TBC1D16: variants seen among roughly 807,000 people sequenced by gnomAD.
TBC1D16 encodes TBC1 domain family member 16, also known as CTD-2529O21.1.
A neutral mutation model predicts 74.7 loss-of-function variants in TBC1D16; 58 were observed. That is an observed-to-expected ratio of 0.78 (90% CI 0.63 to 0.97). The LOEUF (loss-of-function observed/expected upper bound fraction) is 0.97, where lower values mean the gene tolerates loss of function less well. Ranked by LOEUF, TBC1D16 falls within the 50% of genes least tolerant of loss-of-function variation. TBC1D16 has a pLI of 0.00. For synonymous variants in TBC1D16, 493 were observed against 474.7 expected (o/e 1.04, Z -0.50); for missense variants, 1,014 against 1,079.5 (o/e 0.94, Z 0.85).
rs753425494 is a variant in TBC1D16, at chr17:79,960,720, A to G, written c.780-7902T>C. 1.9e-4 allele frequency among the ~76,000 whole-genome samples: 28 copies of G among 144,412 alleles called. 1 individual carries two copies. Among genetic ancestry groups the G allele is most frequent in the African/African-American group, 5.2e-5 (2 of 38,542 alleles). 94.7% of individuals were successfully genotyped at this position (144,412 alleles called of 152,430 possible). The stretch of plus-strand genomic sequence containing the variant: ...CAGTGAGCCAACATCATGCCACTGC[A>G]CTTCAGCCCGAGCGACAGAGTGAGA... On this transcript the variant is annotated intron_variant, in intron 3 of 11. Coordinates refer to ENST00000310924, the MANE Select transcript of TBC1D16 (RefSeq NM_019020.4).
At chr17:79,992,729 C>T (rs2035119234) in intron 3 of TBC1D16, 1 of 152,370 alleles carries the variant, frequency 6.6e-6, no homozygotes, top group African/African-American at 2.4e-5. Flanking sequence ...CTGCCACTAG[C>T]CCTCTCCCTC....
chr17:80,035,794 C>G lies in TBC1D16; in HGVS notation c.-63+1G>C, dbSNP rs2036985331. ...GGCCCCGTCCGGGCCCCGATACCCA[C>G]CCGGGTCCCGCTGCGGGGGCCGGAT... On this transcript the variant is annotated splice_donor_variant, in intron 1 of 11. Transcript: ENST00000310924. LOFTEE classifies it low-confidence loss of function (5UTR_SPLICE). This position sits in a 1 kb window ranked among gnomAD's most constrained non-coding sequence, Gnocchi z 5.3. 1 of 146,712 alleles carries G rather than the reference C, an allele frequency of 6.8e-6. No homozygotes were observed. Among genetic ancestry groups the G allele is most frequent in the Non-Finnish European group, 1.5e-5 (1 of 65,904 alleles). The allele number at this position is 146,712 out of a possible 1,614,324, so 9.1% of individuals were successfully genotyped here. A position where few individuals can be genotyped will look rare whatever the true frequency, so the allele number is the denominator to read the frequency against.
chr17:79,978,013 A>G (rs1043642049), intron 3 of TBC1D16, among the ~76,000 whole-genome samples: 1 of 152,208 alleles, frequency 6.6e-6, no homozygotes, highest in Non-Finnish European at 1.5e-5. Context: ...TCAAGCTGCC[A>G]TTTCTGACAT....
Position 79,954,751 on chromosome 17 carries a change from T to G in TBC1D16, c.780-1933A>C, listed in dbSNP as rs1379685608. On this transcript the variant is annotated intron_variant, in intron 3 of 11. Coordinates refer to ENST00000310924, the MANE Select transcript of TBC1D16 (RefSeq NM_019020.4). This position sits in a 1 kb window ranked among gnomAD's most constrained non-coding sequence, Gnocchi z 5.5. Reference sequence around the variant, plus strand: ...CTGTGAGAGCTGCTGCCCCGTGTGCTGCCTGCTGGCCCGGCCCACCCAGTG... The same window carrying G: ...CTGTGAGAGCTGCTGCCCCGTGTGCGGCCTGCTGGCCCGGCCCACCCAGTG... Among the ~76,000 whole-genome samples, 1 of 152,132 alleles carries G rather than the reference T, an allele frequency of 6.6e-6. No individual in the cohort carries two copies. The highest frequency in any genetic ancestry group is 1.5e-5 in the Non-Finnish European group (1 of 68,002).
chr17:80,008,598 G>C lies in TBC1D16; in HGVS notation c.779+1562C>G, dbSNP rs1207595936. Among the ~76,000 whole-genome samples, 2 of 152,204 alleles carry C rather than the reference G, an allele frequency of 1.3e-5. No homozygotes were observed. The highest frequency in any genetic ancestry group is 4.8e-5 in the African/African-American group (2 of 41,538). ...CACCACCAGGGGGAGCTCCGACTGA[G>C]TCCGGCCTGCGGGACCCAGGCCAGG... is the stretch of plus-strand genomic sequence containing the variant. On this transcript the variant is annotated intron_variant, in intron 3 of 11. Coordinates refer to ENST00000310924, the MANE Select transcript of TBC1D16 (RefSeq NM_019020.4). This position sits in a 1 kb window ranked among gnomAD's most constrained non-coding sequence, Gnocchi z 4.5.
chr17:80,028,621 CA>C (rs1166306899), intron 1 of TBC1D16, among the ~76,000 whole-genome samples: 1 of 141,038 alleles, frequency 7.1e-6, no homozygotes, highest in Non-Finnish European at 1.5e-5. Context: ...GCATGATGAC[CA>C]GTTGATTTTT....
Position 79,941,777 on chromosome 17 carries a change from T to C in TBC1D16, c.2055+283A>G, listed in dbSNP as rs568804440. 1.1e-4 allele frequency among the ~76,000 whole-genome samples: 17 copies of C among 152,302 alleles called. No individual in the cohort carries two copies. In the South Asian group the frequency reaches 3.3e-3, roughly 30 times the overall value. On this transcript the variant is annotated intron_variant, in intron 11 of 11. Transcript: ENST00000310924. This position sits in a 1 kb window ranked among gnomAD's most constrained non-coding sequence, Gnocchi z 4.3. Reference sequence around the variant, plus strand: ...TGTCCTGTCCGTCAGCCCCGGTGAATTCGTTCCCTCCTCAGCCAGCGAGGG... The same window carrying C: ...TGTCCTGTCCGTCAGCCCCGGTGAACTCGTTCCCTCCTCAGCCAGCGAGGG...
intron 3 of TBC1D16, among the ~76,000 whole-genome samples, chr17:79,998,067 G>C (rs1190168678): frequency 1.4e-5 from 2 of 145,668 alleles, no homozygotes; most frequent in Non-Finnish European, 3.0e-5. Flanking sequence ...GGAGGTTGCA[G>C]TGAGCTAAGA....
chr17:79,996,643 G>C (rs185161713), intron 3 of TBC1D16, among the ~76,000 whole-genome samples: 11 of 152,282 alleles, frequency 7.2e-5, no homozygotes, highest in Admixed American at 5.2e-4. Flanking sequence ...CACTTTGGGA[G>C]GCCGAGGCGG....
chr17:80,012,777 T>C (rs1267506537), intron 2 of TBC1D16, among the ~76,000 whole-genome samples: 2 of 152,138 alleles, frequency 1.3e-5, no homozygotes, highest in African/African-American at 2.4e-5. Context: ...GCCAAGCAAA[T>C]GTTAGGGTGT....
chr17:79,941,203 A>C lies in TBC1D16; in HGVS notation c.2056-96T>G. On this transcript the variant is annotated intron_variant, in intron 11 of 11. Coordinates refer to ENST00000310924, the MANE Select transcript of TBC1D16 (RefSeq NM_019020.4). This position sits in a 1 kb window ranked among gnomAD's most constrained non-coding sequence, Gnocchi z 4.3. ...GGCCAAAGACAGCAACAGCAGCAAC[A>C]ACGGCCTGCACCTCGGGGGCTCACC... The C allele has an allele frequency of 1.6e-6, 2 of 1,250,350 alleles. No individual in the cohort carries two copies. The highest frequency in any genetic ancestry group is 2.2e-6 in the Non-Finnish European group (2 of 909,814). The allele number at this position is 1,250,350 out of a possible 1,614,324, so 77.5% of individuals were successfully genotyped here.
At chr17:79,943,311 G>T (rs765292433) in intron 10 of TBC1D16, among the ~76,000 whole-genome samples, 5 of 152,208 alleles carry the variant, frequency 3.3e-5, no homozygotes, top group Non-Finnish European at 5.9e-5. Context: ...GCAGGAAGGT[G>T]GACGCCCAGC....
intron 3 of TBC1D16, among the ~76,000 whole-genome samples, chr17:79,995,254 C>T (rs532325565): frequency 3.3e-5 from 5 of 151,460 alleles, no homozygotes; most frequent in East Asian, 3.9e-4. Flanking sequence ...GAGCTGAGAT[C>T]GCACCACGGC....
chr17:79,996,959 G>C (rs576337833), intron 3 of TBC1D16, among the ~76,000 whole-genome samples: 1 of 152,160 alleles, frequency 6.6e-6, no homozygotes, highest in Admixed American at 6.5e-5. Flanking sequence ...GCAGTAGAAA[G>C]GAACAAGTTC....
chr17:79,973,642 G>A (rs910847351), intron 3 of TBC1D16, among the ~76,000 whole-genome samples: 10 of 151,806 alleles, frequency 6.6e-5, no homozygotes, highest in East Asian at 3.9e-4. Context: ...CCCCAGAGGC[G>A]GAGCTTGCAG....
In TBC1D16 at chr17:79,993,130, G is replaced by T. The variant is rs2035138870; in HGVS notation, c.779+17030C>A. On this transcript the variant is annotated intron_variant, in intron 3 of 11. Coordinates refer to ENST00000310924, the MANE Select transcript of TBC1D16 (RefSeq NM_019020.4). This position sits in a 1 kb window ranked among gnomAD's most constrained non-coding sequence, Gnocchi z 5.1. ...AGCCCCATTGTGCAGAGGGGAAACT[G>T]AGGCAATGAGGGTAATAACCCACCA... Among the ~76,000 whole-genome samples the T allele has an allele frequency of 6.6e-6, 1 of 152,216 alleles. No homozygotes were observed. The highest frequency in any genetic ancestry group is 2.4e-5 in the African/African-American group (1 of 41,456).
rs1008842301 is a variant in TBC1D16, at chr17:79,941,207, G to C, written c.2056-100C>G. On this transcript the variant is annotated intron_variant, in intron 11 of 11. Transcript: ENST00000310924. This position sits in a 1 kb window ranked among gnomAD's most constrained non-coding sequence, Gnocchi z 4.3. Reference sequence around the variant, plus strand: ...AAAGACAGCAACAGCAGCAACAACGGCCTGCACCTCGGGGGCTCACCGAGT... The same window carrying C: ...AAAGACAGCAACAGCAGCAACAACGCCCTGCACCTCGGGGGCTCACCGAGT... 1.6e-6 allele frequency: 2 copies of C among 1,216,152 alleles called. No individual in the cohort carries two copies. Among genetic ancestry groups the C allele is most frequent in the Non-Finnish European group, 2.3e-6 (2 of 880,692 alleles). 75.3% of individuals were successfully genotyped at this position (1,216,152 alleles called of 1,614,324 possible).
Position 79,940,528 on chromosome 17 carries a change from C to T in TBC1D16, c.*331G>A, listed in dbSNP as rs958279660. On this transcript the variant is annotated 3_prime_UTR_variant, in exon 12 of 12. Coordinates refer to ENST00000310924, the MANE Select transcript of TBC1D16 (RefSeq NM_019020.4). The surrounding 1 kb of genome is among the most constrained non-coding windows in gnomAD (Gnocchi z 5.4). Reference sequence around the variant, plus strand: ...CCTGGCGACGCTGTCTGGCTGCCCTCGAGGGTGGAGCAAATCCTGGGACAT... The same window carrying T: ...CCTGGCGACGCTGTCTGGCTGCCCTTGAGGGTGGAGCAAATCCTGGGACAT... 1.9e-4 allele frequency: 43 copies of T among 223,006 alleles called. No individual in the cohort carries two copies. The highest frequency in any genetic ancestry group is 9.2e-5 in the East Asian group (1 of 10,838). 13.8% of individuals were successfully genotyped at this position (223,006 alleles called of 1,614,324 possible).
rs532222770 is a variant in TBC1D16 at position 79,996,652 on chromosome 17, G to A, written c.779+13508C>T. 2.2e-4 allele frequency among the ~76,000 whole-genome samples: 34 copies of A among 152,264 alleles called. 1 individual carries two copies. The South Asian group carries it at 6.8e-3, about 31-fold the overall frequency. ...TCCCAGCACTTTGGGAGGCCGAGGCGGGAGGATTGCTTGAGCCCAGGAGTT... is the reference window on the plus strand; with the variant it reads ...TCCCAGCACTTTGGGAGGCCGAGGCAGGAGGATTGCTTGAGCCCAGGAGTT... On this transcript the variant is annotated intron_variant, in intron 3 of 11. Transcript: ENST00000310924.
Sources: gnomAD v4.1 joint callset for allele counts (sites outside exome capture counted in the v4.1 genomes callset) on GRCh38, gnomAD v4.1.1 for gene constraint, Gnocchi (gnomAD v3.1) non-coding constraint, MANE v1.5 for transcripts, NCBI Gene and HGNC (gene_info 2026-07-23, HGNC 2026-07-21) for gene names.